Variants in ARHGAP23 observed in about 807,000 individuals in gnomAD.
The protein encoded by ARHGAP23 is Rho GTPase activating protein 23.
In ARHGAP23, 34 loss-of-function variants were observed where a neutral mutation model predicts 136.3. That is an observed-to-expected ratio of 0.25 (90% confidence interval 0.19 to 0.33). ARHGAP23 has a LOEUF of 0.33. Among genes scored for constraint, ARHGAP23 ranks in the 10% least tolerant of loss-of-function variants. The pLI is 1.00. For synonymous variants in ARHGAP23, 832 were observed against 920.5 expected (o/e 0.90, Z 1.74); for missense variants, 1,808 against 2,139.0 (o/e 0.85, Z 3.05).
chr17:38,462,854 C>G lies in ARHGAP23; in HGVS notation c.262C>G (p.Pro88Ala). ...TGGCTGATGCCCACTAGGACCCTCC[C>G]CCCGGTACCGCCTGGAGCCCATGGA... is the stretch of plus-strand genomic sequence containing the variant. ...ENGGRGGGPS[P>A]RYRLEPMDTI... The change falls in exon 4 of 24, where the codon CCC becomes GCC. Residue 88 changes from proline to alanine, a missense_variant. Pro to Ala is a conservative substitution (Grantham distance 27). Transcript: ENST00000622683. The G allele has an allele frequency of 6.6e-7, 1 of 1,521,264 alleles. No homozygotes were observed. The highest frequency in any genetic ancestry group is 2.4e-5 in the Admixed American group (1 of 41,150). 94.2% of individuals were successfully genotyped at this position (1,521,264 alleles called of 1,614,324 possible).
intron 1 of ARHGAP23, among the ~76,000 whole-genome samples, chr17:38,447,437 G>GGAAAAAA (rs2039058824): frequency 7.8e-5 from 2 of 25,636 alleles, no homozygotes; most frequent in Non-Finnish European, 7.2e-5. Context: ...GACTCCGTCT[G>GGAAAAAA]AAAAAAAAAA....
intron 17 of ARHGAP23, among the ~76,000 whole-genome samples, chr17:38,487,425 T>G (rs1350806808): frequency 1.3e-5 from 2 of 152,196 alleles, no homozygotes; most frequent in East Asian, 3.8e-4. Flanking sequence ...GATTCTTAGA[T>G]GTAGAATTGC....
In ARHGAP23 at chr17:38,509,855, G is replaced by A. The variant is rs971007025; in HGVS notation, c.3448-89G>A. ...TGGCTGGGGCTTGTGGCGACTGGGT[G>A]CCGTGACGTGGGGGTGGACCGGGTA... On this transcript the variant is annotated intron_variant, in intron 23 of 23. Transcript: ENST00000622683. 56 of 1,046,058 alleles carry A rather than the reference G, an allele frequency of 5.4e-5. No homozygotes were observed. In the African/African-American group the frequency reaches 8.4e-4, roughly 16 times the overall value. The allele number at this position is 1,046,058 out of a possible 1,614,324, so 64.8% of individuals were successfully genotyped here. A position where few individuals can be genotyped will look rare whatever the true frequency, so the allele number is the denominator to read the frequency against.
intron 23 of ARHGAP23, 110 bp downstream of exon 23, chr17:38,500,738 G>A (rs766739177): frequency 3.2e-5 from 34 of 1,056,496 alleles, no homozygotes; most frequent in Non-Finnish European, 4.8e-5. Flanking sequence ...GAAAGTTGAT[G>A]GTCCCTGGGA....
rs1045904929 is a variant in ARHGAP23, at chr17:38,466,194, G to C, written c.511G>C (p.Gly171Arg). 6.6e-7 allele frequency: 1 copy of C among 1,514,050 alleles called. No individual in the cohort carries two copies. The highest frequency in any genetic ancestry group is 8.9e-7 in the Non-Finnish European group (1 of 1,124,690). The allele number at this position is 1,514,050 out of a possible 1,614,324, so 93.8% of individuals were successfully genotyped here. Reference protein sequence around the residue: ...LAYSQDAYLKGNEPYSGEARS... With the variant: ...LAYSQDAYLKRNEPYSGEARS... Reference sequence around the variant, plus strand: ...CTACTCCCAGGATGCCTACCTGAAAGGGAACGAGCCGTATTCTGGAGAGGC... The same window carrying C: ...CTACTCCCAGGATGCCTACCTGAAACGGAACGAGCCGTATTCTGGAGAGGC... Residue 171 changes from glycine to arginine, a missense_variant, in exon 7 of 24, where the codon GGG (glycine) becomes CGG (arginine). Gly to Arg is a moderately radical substitution (Grantham distance 125, BLOSUM62 -2). Coordinates refer to ENST00000622683, the MANE Select transcript of ARHGAP23 (RefSeq NM_001199417.2).
chr17:38,510,351 G>A lies in ARHGAP23; in HGVS notation c.3855G>A (p.Val1285=). 8.0e-7 allele frequency: 1 copy of A among 1,250,492 alleles called. No individual in the cohort carries two copies. Among genetic ancestry groups the A allele is most frequent in the East Asian group, 3.2e-5 (1 of 31,672 alleles). 77.5% of individuals were successfully genotyped at this position (1,250,492 alleles called of 1,614,324 possible). ...ACGAGCGTAGCGAGCTGAGCCACGT[G>A]GAGACGGACACTGAGGGCGCGGCGG... ...ADDERSELSH[V]ETDTEGAAGA... The change falls in exon 24 of 24, where the codon GTG becomes GTA. Residue 1285 remains valine (V), a synonymous_variant. Transcript: ENST00000622683. The surrounding 1 kb of genome is among the most constrained non-coding windows in gnomAD (Gnocchi z 4.6).
intron 21 of ARHGAP23, 97 bp downstream of exon 21, chr17:38,497,923 GGT>G: frequency 2.3e-6 from 3 of 1,297,352 alleles, no homozygotes; most frequent in Non-Finnish European, 3.3e-6. Context: ...AGCCGGGGAA[GGT>G]GTCTGTCCTT....
chr17:38,500,933 T>C (rs868611480), intron 23 of ARHGAP23: 47 of 405,414 alleles, frequency 1.2e-4, no homozygotes, highest in African/African-American at 9.1e-4. Context: ...GAGTTCTGGC[T>C]CCACCATTTA....
At chr17:38,465,214 A>T (rs2039560243) in intron 6 of ARHGAP23, among the ~76,000 whole-genome samples, 1 of 132,800 alleles carries the variant, frequency 7.5e-6, no homozygotes, top group South Asian at 2.5e-4. Flanking sequence ...TGCCAGCTGG[A>T]GGGGGCTGAG....
At chr17:38,436,645 C>T (rs2038804198) in intron 1 of ARHGAP23, among the ~76,000 whole-genome samples, 1 of 152,214 alleles carries the variant, frequency 6.6e-6, no homozygotes, top group African/African-American at 2.4e-5. Context: ...GCTTTTCCTA[C>T]CGCCCAAAAG....
chr17:38,446,050 G>A lies in ARHGAP23; in HGVS notation c.64-12052G>A, dbSNP rs547533615. Among the ~76,000 whole-genome samples the A allele has an allele frequency of 1.5e-4, 23 of 149,220 alleles. No homozygotes were observed. The East Asian group carries it at 3.9e-3, about 26-fold the overall frequency. On this transcript the variant is annotated intron_variant, in intron 1 of 23. Transcript: ENST00000622683. ...TTTTTTTTTTTTGAGACAAGGTCTG[G>A]CTCCCCTAGGCTGAGGTGTAGTGGC...
chr17:38,440,511 C>T (rs769682913), intron 1 of ARHGAP23, among the ~76,000 whole-genome samples: 1 of 152,226 alleles, frequency 6.6e-6, no homozygotes, highest in Non-Finnish European at 1.5e-5. Flanking sequence ...CAGTTTACAG[C>T]TGAGGAGACT....
chr17:38,466,284 G>A lies in ARHGAP23; in HGVS notation c.601G>A (p.Ala201Thr), dbSNP rs1165748599. The A allele has an allele frequency of 1.3e-6, 2 of 1,547,370 alleles. No homozygotes were observed. Among genetic ancestry groups the A allele is most frequent in the African/African-American group, 1.4e-5 (1 of 72,884 alleles). Reference sequence around the variant, plus strand: ...CAAGACCTACGCCCCTCCTGCCCGGGCCTCCACCAGGGCCACTATGGTGCC... The same window carrying A: ...CAAGACCTACGCCCCTCCTGCCCGGACCTCCACCAGGGCCACTATGGTGCC... The part of the protein sequence containing the change: ...PRKTYAPPAR[A>T]STRATMVPEP... The change falls in exon 7 of 24, where the codon GCC (alanine) becomes ACC (threonine). Residue 201 changes from alanine (A) to threonine (T), a missense_variant. By Grantham distance (58) the Ala-to-Thr change is moderately conservative (BLOSUM62 0). Transcript: ENST00000622683.
chr17:38,457,829 A>G (rs1481729648), intron 1 of ARHGAP23: 1 of 559,596 alleles, frequency 1.8e-6, no homozygotes, highest in African/African-American at 1.9e-5. Flanking sequence ...ACTGAACTGA[A>G]TGAACTTGCT....
At chr17:38,505,572 A>C (rs1196875769) in intron 23 of ARHGAP23, among the ~76,000 whole-genome samples, 1 of 152,104 alleles carries the variant, frequency 6.6e-6, no homozygotes, top group African/African-American at 2.4e-5. Flanking sequence ...TGGCTGTGAA[A>C]ATTTTTGCAT....
intron 17 of ARHGAP23, among the ~76,000 whole-genome samples, chr17:38,487,192 T>C (rs1436602754): frequency 6.6e-6 from 1 of 152,140 alleles, no homozygotes; most frequent in Non-Finnish European, 1.5e-5. Flanking sequence ...AAAAGCAGAG[T>C]TGTAATTCTG....
intron 1 of ARHGAP23, chr17:38,454,190 C>A: frequency 6.5e-6 from 1 of 152,994 alleles, no homozygotes; most frequent in South Asian, 1.8e-4. Context: ...TTGTCGGGGT[C>A]TGAGTGGGAC....
chr17:38,472,231 G>A (rs573552917), intron 11 of ARHGAP23, among the ~76,000 whole-genome samples: 4 of 152,162 alleles, frequency 2.6e-5, no homozygotes. Context: ...GGATCTGATC[G>A]AGTCGTGCTT....
intron 1 of ARHGAP23, among the ~76,000 whole-genome samples, chr17:38,435,660 T>G (rs1368442405): frequency 6.6e-6 from 1 of 152,142 alleles, no homozygotes; most frequent in African/African-American, 2.4e-5. Flanking sequence ...TGGGGTGCAA[T>G]GGCGCGATCT....
Sources: allele counts gnomAD v4.1 joint callset (sites outside exome capture counted in the v4.1 genomes callset), GRCh38; gene constraint gnomAD v4.1.1; non-coding constraint Gnocchi (gnomAD v3.1); transcripts MANE v1.5; gene names NCBI Gene and HGNC (gene_info 2026-07-23, HGNC 2026-07-21).